The following DCDC1 variants were observed in gnomAD, a reference collection of about 807,000 sequenced individuals.
DCDC1 encodes the protein doublecortin domain containing 1, also known as doublecortin domain-containing protein 1.
DCDC1 carries 200 observed loss-of-function variants against 178.3 expected under a neutral mutation model. That is an observed-to-expected ratio of 1.12 (90% CI 1.00 to 1.26). The LOEUF (loss-of-function observed/expected upper bound fraction) is 1.26, where lower values mean the gene tolerates loss of function less well. DCDC1 is among the 50% of genes most tolerant of loss of function. DCDC1 has a pLI of 0.00. For missense variants in DCDC1, 1,983 were observed against 1,749.2 expected, an observed-to-expected ratio of 1.13 and a Z score of -2.38; for synonymous variants, 690 against 604.8, an observed-to-expected ratio of 1.14 and a Z score of -2.07.
At chr11:30,923,437 A>G (rs920090741) in intron 23 of DCDC1, among the ~76,000 whole-genome samples, 1 of 140,338 alleles carries the variant, frequency 7.1e-6, no homozygotes, top group Non-Finnish European at 1.5e-5. Flanking sequence ...TATTTCTTAA[A>G]TGTCCTTAAA....
intron 15 of DCDC1, 30 bp downstream of exon 15, chr11:31,102,147 C>T (rs1958552247): frequency 1.6e-6 from 1 of 639,580 alleles, no homozygotes; most frequent in Non-Finnish European, 2.9e-6. Flanking sequence ...ATAAAGTGCA[C>T]CTTTTAAAGT....
intron 17 of DCDC1, among the ~76,000 whole-genome samples, chr11:31,080,717 G>C (rs142515611): frequency 1.4e-4 from 21 of 152,270 alleles, no homozygotes; most frequent in Non-Finnish European, 2.6e-4. Context: ...GTAATGCTTT[G>C]ATAGAAATGT....
chr11:31,333,776 G>C (rs1950128229), intron 2 of DCDC1, among the ~76,000 whole-genome samples: 1 of 152,118 alleles, frequency 6.6e-6, no homozygotes, highest in Non-Finnish European at 1.5e-5. Flanking sequence ...TTCCCTTTGT[G>C]GGTAACCCGA....
chr11:31,342,157 G>C (rs1950587098), intron 1 of DCDC1, among the ~76,000 whole-genome samples: 1 of 152,140 alleles, frequency 6.6e-6, no homozygotes, highest in African/African-American at 2.4e-5. Flanking sequence ...TAACACCTAA[G>C]GTTCACAGAT....
rs1020742453 is a variant in DCDC1 at position 31,091,466 on chromosome 11, T to C, written c.2164A>G (p.Ile722Val). 13 of 762,076 alleles carry C rather than the reference T, an allele frequency of 1.7e-5. No homozygotes were observed. Among genetic ancestry groups the C allele is most frequent in the Non-Finnish European group, 2.9e-5 (12 of 415,966 alleles). 47.2% of individuals were successfully genotyped at this position (762,076 alleles called of 1,614,324 possible). A position where few individuals can be genotyped will look rare whatever the true frequency, so the allele number is the denominator to read the frequency against. The change falls in exon 17 of 39, where the codon ATT (isoleucine) becomes GTT (valine). Residue 722 changes from isoleucine (I) to valine (V), a missense_variant. Coordinates refer to ENST00000684477, the MANE Select transcript of DCDC1 (RefSeq NM_001387274.1). ...SRAITQGCLAIGHPIRVKAAE... is the reference protein window; with the variant it reads ...SRAITQGCLAVGHPIRVKAAE... Reference sequence around the variant, plus strand: ...GCCTTGACTCTGATAGGATGACCAATAGCCAGGCAGCCCTGAGTTATCGCT... The same window carrying C: ...GCCTTGACTCTGATAGGATGACCAACAGCCAGGCAGCCCTGAGTTATCGCT...
At chr11:31,042,906 C>T (rs944030280) in intron 20 of DCDC1, among the ~76,000 whole-genome samples, 5 of 152,258 alleles carry the variant, frequency 3.3e-5, no homozygotes, top group South Asian at 2.1e-4. Context: ...AAGAACCCTT[C>T]CCAAAAGGGC....
At position 31,018,117 on chromosome 11, in the gene DCDC1, C is replaced by T. The variant is rs555338184; in HGVS notation, c.2591+46352G>A. On this transcript the variant is annotated intron_variant, in intron 20 of 38. Transcript: ENST00000684477. ...AAAATATGTATACATGGGAGAAATG[C>T]ATCATTGGCTGAACAAACTAAATCA... Among the ~76,000 whole-genome samples, 11 of 152,092 alleles carry T rather than the reference C, an allele frequency of 7.2e-5. 1 individual carries two copies. The South Asian group carries it at 2.3e-3, about 32-fold the overall frequency.
intron 20 of DCDC1, among the ~76,000 whole-genome samples, chr11:30,975,762 A>G (rs1253920367): frequency 6.6e-6 from 1 of 152,114 alleles, no homozygotes; most frequent in Non-Finnish European, 1.5e-5. Context: ...AGAAGAACTA[A>G]TATCATTAAA....
chr11:31,069,962 G>A (rs1233879067), intron 18 of DCDC1, among the ~76,000 whole-genome samples: 1 of 152,150 alleles, frequency 6.6e-6, no homozygotes, highest in African/African-American at 2.4e-5. Flanking sequence ...GCAGTAATGG[G>A]CTTTGCTTCC....
At chr11:31,225,836 C>G (rs909890045) in intron 9 of DCDC1, among the ~76,000 whole-genome samples, 2 of 151,272 alleles carry the variant, frequency 1.3e-5, no homozygotes, top group Non-Finnish European at 2.9e-5. Context: ...CCCAATCTTT[C>G]GTGTCTGGAG....
At position 31,035,764 on chromosome 11, in the gene DCDC1, G is replaced by C. The variant is rs150551913; in HGVS notation, c.2591+28705C>G. ...TCACTAATCTTAGCCTGCACTGATGGATCTTGCTTACAGCAATTATTGTTA... is the reference window on the plus strand; with the variant it reads ...TCACTAATCTTAGCCTGCACTGATGCATCTTGCTTACAGCAATTATTGTTA... On this transcript the variant is annotated intron_variant, in intron 20 of 38. Coordinates refer to ENST00000684477, the MANE Select transcript of DCDC1 (RefSeq NM_001387274.1). Among the ~76,000 whole-genome samples the C allele has an allele frequency of 2.0e-3, 303 of 152,306 alleles. 1 individual carries two copies. The highest frequency in any genetic ancestry group is 7.0e-3 in the African/African-American group (291 of 41,566).
chr11:30,928,081 T>C (rs1260524468), intron 22 of DCDC1, among the ~76,000 whole-genome samples: 1 of 152,204 alleles, frequency 6.6e-6, no homozygotes, highest in Non-Finnish European at 1.5e-5. Flanking sequence ...TGAGTCATGA[T>C]AGAAGATCCC....
intron 9 of DCDC1, among the ~76,000 whole-genome samples, chr11:31,183,424 C>CT (rs749675368): frequency 1.3e-5 from 2 of 152,154 alleles, no homozygotes; most frequent in African/African-American, 2.4e-5. Flanking sequence ...CAAATTAGAA[C>CT]TCAAGATTAA....
intron 20 of DCDC1, among the ~76,000 whole-genome samples, chr11:30,985,914 T>A (rs543829568): frequency 6.6e-6 from 1 of 152,270 alleles, no homozygotes; most frequent in East Asian, 1.9e-4. Flanking sequence ...AAAATTGACA[T>A]CCTGATATTC....
chr11:31,123,303 A>G (rs959791694), intron 11 of DCDC1, among the ~76,000 whole-genome samples: 3 of 152,124 alleles, frequency 2.0e-5, no homozygotes, highest in Non-Finnish European at 4.4e-5. Context: ...CACTAAACAA[A>G]CACAATAGGT....
intron 8 of DCDC1, among the ~76,000 whole-genome samples, chr11:31,263,707 GGAAA>G (rs1944951978): frequency 6.6e-6 from 1 of 152,144 alleles, no homozygotes; most frequent in African/African-American, 2.4e-5. Context: ...GATAAATCAA[GGAAA>G]GAGTCTGCTT....
At chr11:31,130,054 T>A (rs1962226572) in intron 10 of DCDC1, among the ~76,000 whole-genome samples, 1 of 152,140 alleles carries the variant, frequency 6.6e-6, no homozygotes, top group Non-Finnish European at 1.5e-5. Context: ...GGAAATTGCA[T>A]CCCAGAAAAG....
chr11:30,902,128 A>G (rs1944725254), intron 32 of DCDC1, among the ~76,000 whole-genome samples: 1 of 152,156 alleles, frequency 6.6e-6, no homozygotes. Flanking sequence ...GCTTTCCAAA[A>G]TTCTGGTGTT....
At chr11:31,051,518 T>C (rs1384380795) in intron 20 of DCDC1, among the ~76,000 whole-genome samples, 3 of 152,120 alleles carry the variant, frequency 2.0e-5, no homozygotes, top group Non-Finnish European at 4.4e-5. Context: ...CCAGGCACAT[T>C]GTCATCAGGT....
Sources: gnomAD v4.1 joint callset for allele counts (sites outside exome capture counted in the v4.1 genomes callset) on GRCh38, gnomAD v4.1.1 for gene constraint, MANE v1.5 for transcripts, NCBI Gene and HGNC (gene_info 2026-07-23, HGNC 2026-07-21) for gene names.